The following ZCWPW1 variants were observed in gnomAD, a reference collection of about 807,000 sequenced individuals.
ZCWPW1 encodes the protein zinc finger CW-type and PWWP domain containing 1, also known as zinc finger CW-type PWWP domain protein 1.
ZCWPW1 carries 56 observed loss-of-function variants against 81.3 expected under a neutral mutation model. That is an observed-to-expected ratio of 0.69 (90% CI 0.56 to 0.86). ZCWPW1 has a LOEUF of 0.86. Ranked by LOEUF, ZCWPW1 falls within the 40% of genes least tolerant of loss-of-function variation. The pLI is 0.00. For missense variants in ZCWPW1, 650 were observed against 769.8 expected, an observed-to-expected ratio of 0.84 and a Z score of 1.84; for synonymous variants, 250 against 273.7, an observed-to-expected ratio of 0.91 and a Z score of 0.86.
intron 6 of ZCWPW1, 68 bp downstream of exon 6, chr7:100,416,998 G>T: frequency 6.5e-6 from 7 of 1,070,756 alleles, no homozygotes; most frequent in Non-Finnish European, 1.0e-5. Flanking sequence ...CAGACAGATA[G>T]ATAGACTGAC....
At chr7:100,410,900 T>G (rs1435389860) in intron 8 of ZCWPW1, among the ~76,000 whole-genome samples, 1 of 152,218 alleles carries the variant, frequency 6.6e-6, no homozygotes, top group Non-Finnish European at 1.5e-5. Flanking sequence ...TTTGATTACT[T>G]GACATTTACT....
chr7:100,401,199 C>T lies in ZCWPW1; in HGVS notation c.1765G>A (p.Glu589Lys), dbSNP rs1791801663. ...KGACPSSAKE[E>K]PRHREPLTQE... ...GTCAGGGGTTCCCGGTGTCTGGGCT[C>T]TTCTTTCGCAGATGAGGGGCAGGCC... The change falls in exon 18 of 18, where the codon GAG (glutamate) becomes AAG (lysine). Residue 589 changes from glutamate to lysine, a missense_variant. Glu to Lys is a moderately conservative substitution (Grantham distance 56). Coordinates refer to ENST00000684423, the MANE Select transcript of ZCWPW1 (RefSeq NM_001386010.1). 1 of 1,614,110 alleles carries T rather than the reference C, an allele frequency of 6.2e-7. No homozygotes were observed. Among genetic ancestry groups the T allele is most frequent in the African/African-American group, 1.3e-5 (1 of 74,942 alleles).
At chr7:100,428,454 C>A (rs913763527) in intron 1 of ZCWPW1, 114 bp downstream of exon 1, 1 of 152,306 alleles carries the variant, frequency 6.6e-6, no homozygotes, top group Non-Finnish European at 1.5e-5. Flanking sequence ...GCGGCCGCGG[C>A]GCCTGATTGT....
At chr7:100,405,517 G>T (rs947469347) in intron 12 of ZCWPW1, among the ~76,000 whole-genome samples, 1 of 152,062 alleles carries the variant, frequency 6.6e-6, no homozygotes, top group Non-Finnish European at 1.5e-5. Flanking sequence ...CATTCTCTTC[G>T]ACTACAGTAT....
rs149047484 is a variant in ZCWPW1 at position 100,413,537 on chromosome 7, T to C, written c.754+2438A>G. ...TTTCCTTCTCTGTACTTAATGCAAATTGTATTCATTAAATACTCCTTCCTA... is the reference window on the plus strand; with the variant it reads ...TTTCCTTCTCTGTACTTAATGCAAACTGTATTCATTAAATACTCCTTCCTA... On this transcript the variant is annotated intron_variant, in intron 8 of 17. Transcript: ENST00000684423. Among the ~76,000 whole-genome samples the C allele has an allele frequency of 4.9e-4, 74 of 152,346 alleles. 1 individual carries two copies. The East Asian group carries it at 0.014, about 28-fold the overall frequency.
chr7:100,401,674 T>G lies in ZCWPW1; in HGVS notation c.1627+215A>C, dbSNP rs373104084. On this transcript the variant is annotated intron_variant, in intron 17 of 17. Coordinates refer to ENST00000684423, the MANE Select transcript of ZCWPW1 (RefSeq NM_001386010.1). The stretch of plus-strand genomic sequence containing the variant: ...CAATACTGATTAAGTGTTACTTCTC[T>G]TCTACCATTCTCCTGCCCCTGGGCC... 4.6e-5 allele frequency among the ~76,000 whole-genome samples: 7 copies of G among 152,366 alleles called. No individual in the cohort carries two copies. The East Asian group carries it at 1.3e-3, about 29-fold the overall frequency.
In ZCWPW1 at chr7:100,401,029, C is replaced by T. The variant is rs375055540; in HGVS notation, c.1935G>A (p.Ala645=). Residue 645 remains alanine, a synonymous_variant, in exon 18 of 18, where the codon GCG becomes GCA. Coordinates refer to ENST00000684423, the MANE Select transcript of ZCWPW1 (RefSeq NM_001386010.1). The stretch of plus-strand genomic sequence containing the variant: ...GGAGCACCAGCTACTTCCCAAACAG[C>T]GCCACGGGGAAGTCCTCGCCATCAC... The part of the protein sequence containing the change: ...SNSDGEDFPV[A]LFGK 3 of 1,608,140 alleles carry T rather than the reference C, an allele frequency of 1.9e-6. No homozygotes were observed. The highest frequency in any genetic ancestry group is 2.6e-6 in the Non-Finnish European group (3 of 1,176,020).
In ZCWPW1 at chr7:100,419,108, T is replaced by C. The variant is rs907802403; in HGVS notation, c.361+3A>G. Reference sequence around the variant, plus strand: ...ACCCTTTTTCTCTTACTACATGCCATACCCAAGCACTCCTGAAGGGACTTC... The same window carrying C: ...ACCCTTTTTCTCTTACTACATGCCACACCCAAGCACTCCTGAAGGGACTTC... On this transcript the variant is annotated splice_donor_region_variant and intron_variant, in intron 5 of 17. Transcript: ENST00000684423. 9 of 1,612,622 alleles carry C rather than the reference T, an allele frequency of 5.6e-6. No individual in the cohort carries two copies. The highest frequency in any genetic ancestry group is 6.8e-6 in the Non-Finnish European group (8 of 1,179,284).
intron 8 of ZCWPW1, among the ~76,000 whole-genome samples, chr7:100,415,241 C>A (rs1186375700): frequency 6.6e-6 from 1 of 151,680 alleles, no homozygotes; most frequent in African/African-American, 2.4e-5. Flanking sequence ...TGCCACCATA[C>A]CCAGCTAATT....
At chr7:100,403,548 G>T (rs1792366506) in intron 15 of ZCWPW1, 146 bp downstream of exon 15, 2 of 573,624 alleles carry the variant, frequency 3.5e-6, no homozygotes, top group Admixed American at 3.2e-5. Flanking sequence ...TGTTGGCCAG[G>T]TGTGGTGGCT....
chr7:100,420,601 C>A (rs1182121845), intron 3 of ZCWPW1, 21 bp downstream of exon 3: 1 of 1,613,950 alleles, frequency 6.2e-7, no homozygotes, highest in East Asian at 2.2e-5. Flanking sequence ...ATGAAGCGAA[C>A]CTCCCTCACT....
chr7:100,419,737 T>G lies in ZCWPW1; in HGVS notation c.175A>C (p.Ser59Arg). The G allele has an allele frequency of 6.2e-7, 1 of 1,614,190 alleles. No homozygotes were observed. The highest frequency in any genetic ancestry group is 8.5e-7 in the Non-Finnish European group (1 of 1,180,040). Residue 59 changes from serine to arginine, a missense_variant, in exon 4 of 18, where the codon AGT becomes CGT. By Grantham distance (110) the Ser-to-Arg change is moderately radical. Transcript: ENST00000684423. ...GCTTTTTCCTCTTTCTTCTTTAAAC[T>G]GGCCTTTGGCAGGCTTATCCTGGCC... ...TEARISLPKA[S>R]LKKKEEKATM...
Position 100,400,986 on chromosome 7 carries a change from A to T in ZCWPW1, c.*28T>A. The T allele has an allele frequency of 1.9e-6, 3 of 1,568,882 alleles. No homozygotes were observed. Among genetic ancestry groups the T allele is most frequent in the Non-Finnish European group, 2.6e-6 (3 of 1,157,092 alleles). On this transcript the variant is annotated 3_prime_UTR_variant, in exon 18 of 18. Transcript: ENST00000684423. ...CTCCCTCCTGCGCCCCAGAGAAGGG[A>T]GAAAAAGAGGGAGCAGAGGAGCACC...
chr7:100,400,953 A>T lies in ZCWPW1; in HGVS notation c.*61T>A. On this transcript the variant is annotated 3_prime_UTR_variant, in exon 18 of 18. Coordinates refer to ENST00000684423, the MANE Select transcript of ZCWPW1 (RefSeq NM_001386010.1). ...TAGCCAATGAACAGACCCAGCACTT[A>T]GCAACTTCTCCCTCCTGCGCCCCAG... 1 of 1,500,030 alleles carries T rather than the reference A, an allele frequency of 6.7e-7. No homozygotes were observed. Among genetic ancestry groups the T allele is most frequent in the Non-Finnish European group, 8.9e-7 (1 of 1,124,004 alleles). 92.9% of individuals were successfully genotyped at this position (1,500,030 alleles called of 1,614,324 possible). A position where few individuals can be genotyped will look rare whatever the true frequency, so the allele number is the denominator to read the frequency against.
Position 100,419,614 on chromosome 7 carries a change from C to T in ZCWPW1, c.282+16G>A. On this transcript the variant is annotated intron_variant, in intron 4 of 17. Coordinates refer to ENST00000684423, the MANE Select transcript of ZCWPW1 (RefSeq NM_001386010.1). ...TGAGAAAATCTCCTACCAGAGCCCA[C>T]CACTATGACTGGTACCTTTTCTTTC... 1 of 1,601,396 alleles carries T rather than the reference C, an allele frequency of 6.2e-7. No homozygotes were observed. Among genetic ancestry groups the T allele is most frequent in the Non-Finnish European group, 8.5e-7 (1 of 1,175,228 alleles).
At chr7:100,419,277 G>T in intron 4 of ZCWPW1, 88 bp from the exon 5 acceptor site, 2 of 1,161,726 alleles carry the variant, frequency 1.7e-6, no homozygotes, top group Non-Finnish European at 2.5e-6. Context: ...TTCAGATGAG[G>T]CAGTAAGTTT....
chr7:100,427,164 TC>T (rs1797719137), intron 1 of ZCWPW1, among the ~76,000 whole-genome samples: 1 of 14,684 alleles, frequency 6.8e-5, no homozygotes, highest in Non-Finnish European at 1.2e-4. Flanking sequence ...CCTCCCTCTC[TC>T]TCTTCTCCTT....
intron 8 of ZCWPW1, among the ~76,000 whole-genome samples, chr7:100,414,939 C>T (rs1299926820): frequency 6.6e-6 from 1 of 151,266 alleles, no homozygotes; most frequent in African/African-American, 2.4e-5. Context: ...GCAGGAGAAT[C>T]GCTTGAACCC....
chr7:100,417,890 T>C (rs1017481559), intron 5 of ZCWPW1, among the ~76,000 whole-genome samples: 1 of 151,764 alleles, frequency 6.6e-6, no homozygotes, highest in Admixed American at 6.6e-5. Flanking sequence ...TTTTTGTTTT[T>C]TGGTTTTTTT....
Sources: gnomAD v4.1 joint callset for allele counts (sites outside exome capture counted in the v4.1 genomes callset) on GRCh38, gnomAD v4.1.1 for gene constraint, MANE v1.5 for transcripts, NCBI Gene and HGNC (gene_info 2026-07-23, HGNC 2026-07-21) for gene names.